Variants in MPPED1 observed in about 807,000 individuals in gnomAD.
The protein encoded by MPPED1 is metallophosphoesterase domain-containing protein 1.
MPPED1 carries 16 observed loss-of-function variants against 36.2 expected under a neutral mutation model. That is an observed-to-expected ratio of 0.44 (90% confidence interval 0.30 to 0.67). MPPED1 has a LOEUF of 0.67. Ranked by LOEUF, MPPED1 falls within the 30% of genes least tolerant of loss-of-function variation. The probability of loss-of-function intolerance (pLI) is 0.10; values close to 1 mark genes in which losing one functional copy is unlikely to be tolerated. For synonymous variants in MPPED1, 199 were observed against 191.3 expected, an observed-to-expected ratio of 1.04 and a Z score of -0.33; for missense variants, 307 against 453.4, an observed-to-expected ratio of 0.68 and a Z score of 2.93.
chr22:43,469,209 G>A (rs912514565), intron 3 of MPPED1, among the ~76,000 whole-genome samples: 2 of 152,134 alleles, frequency 1.3e-5, no homozygotes, highest in Non-Finnish European at 1.5e-5. Flanking sequence ...TGTGTCAGCC[G>A]TCTTACCTGC....
chr22:43,471,384 A>AG (rs1351010170), intron 3 of MPPED1, among the ~76,000 whole-genome samples: 1 of 152,012 alleles, frequency 6.6e-6, no homozygotes, highest in Admixed American at 6.6e-5. Context: ...GGGCTCGATG[A>AG]GGGGTCTGCT....
chr22:43,468,313 G>A (rs943035842), intron 3 of MPPED1, among the ~76,000 whole-genome samples: 1 of 152,196 alleles, frequency 6.6e-6, no homozygotes, highest in Non-Finnish European at 1.5e-5. Flanking sequence ...ACTAGTTTTG[G>A]CATCAAGGAC....
intron 1 of MPPED1, among the ~76,000 whole-genome samples, chr22:43,424,106 C>A (rs554872516): frequency 6.6e-6 from 1 of 152,288 alleles, no homozygotes; most frequent in African/African-American, 2.4e-5. Flanking sequence ...AACTGCACTT[C>A]CCCGTGAAAA....
At chr22:43,495,992 G>A (rs368269769) in intron 4 of MPPED1, among the ~76,000 whole-genome samples, 433 of 106,882 alleles carry the variant, frequency 4.1e-3, no homozygotes, top group South Asian at 0.012. Flanking sequence ...GGAGATGGTG[G>A]TGGTGGTGGA....
intron 3 of MPPED1, among the ~76,000 whole-genome samples, chr22:43,451,420 G>A (rs901973841): frequency 9.9e-5 from 15 of 152,164 alleles, no homozygotes; most frequent in African/African-American, 1.9e-4. Context: ...AAAGAAAAGC[G>A]GATTTTAAAA....
Position 43,502,500 on chromosome 22 carries a change from A to G in MPPED1, c.749-144A>G. ...AGCCTGAGGCAGGGCAGGGTTCCGG[A>G]GAGCTTGCTAGGGGAGAGTGGTGCA... On this transcript the variant is annotated intron_variant, in intron 5 of 6. Transcript: ENST00000443721. The surrounding 1 kb of genome is among the most constrained non-coding windows in gnomAD (Gnocchi z 5.5). The G allele has an allele frequency of 1.6e-6, 1 of 636,134 alleles. No homozygotes were observed. The highest frequency in any genetic ancestry group is 1.9e-5 in the South Asian group (1 of 53,184). The allele number at this position is 636,134 out of a possible 1,614,324, so 39.4% of individuals were successfully genotyped here.
intron 3 of MPPED1, among the ~76,000 whole-genome samples, chr22:43,449,423 C>T (rs944125811): frequency 1.5e-5 from 1 of 67,444 alleles, no homozygotes; most frequent in Admixed American, 1.8e-4. Context: ...ACAGTGCCAA[C>T]CCCCCCCGCC....
chr22:43,426,467 GC>G (rs1929476296), intron 2 of MPPED1, among the ~76,000 whole-genome samples: 2 of 152,136 alleles, frequency 1.3e-5, no homozygotes, highest in African/African-American at 4.8e-5. Context: ...TGAGTCTGGT[GC>G]CCCAAAAAGG....
At chr22:43,432,424 GAGAA>G (rs1358159729) in intron 2 of MPPED1, among the ~76,000 whole-genome samples, 5 of 137,824 alleles carry the variant, frequency 3.6e-5, no homozygotes, top group East Asian at 4.5e-4. Flanking sequence ...AGGGAGGAGA[GAGAA>G]AGGGAGGAGA....
At chr22:43,500,292 G>T (rs1182105966) in intron 5 of MPPED1, among the ~76,000 whole-genome samples, 1 of 138,980 alleles carries the variant, frequency 7.2e-6, no homozygotes, top group African/African-American at 2.7e-5. Flanking sequence ...GGTGATGGGG[G>T]TGGTGGTGGT....
chr22:43,467,225 T>C (rs1245526926), intron 3 of MPPED1, among the ~76,000 whole-genome samples: 1 of 152,232 alleles, frequency 6.6e-6, no homozygotes, highest in Non-Finnish European at 1.5e-5. Context: ...CTTTCATCTC[T>C]GTCATGGGGA....
chr22:43,489,690 T>C (rs1932024724), intron 4 of MPPED1, among the ~76,000 whole-genome samples: 1 of 152,164 alleles, frequency 6.6e-6, no homozygotes, highest in Admixed American at 6.5e-5. Flanking sequence ...AGCTAATTTT[T>C]GTATTTTTAG....
At chr22:43,450,530 C>G (rs1930527094) in intron 3 of MPPED1, among the ~76,000 whole-genome samples, 1 of 152,152 alleles carries the variant, frequency 6.6e-6, no homozygotes. Flanking sequence ...CTCTCTGAGC[C>G]TCAGTTTTCT....
At chr22:43,489,837 A>G (rs1268184862) in intron 4 of MPPED1, among the ~76,000 whole-genome samples, 1 of 152,062 alleles carries the variant, frequency 6.6e-6, no homozygotes, top group African/African-American at 2.4e-5. Context: ...CCAACATTCT[A>G]ATAAAAGCTG....
In MPPED1 at chr22:43,498,235, G is replaced by T; in HGVS notation, c.633G>T (p.Trp211Cys). 1.3e-6 allele frequency: 2 copies of T among 1,534,030 alleles called. No individual in the cohort carries two copies. The highest frequency in any genetic ancestry group is 1.7e-6 in the Non-Finnish European group (2 of 1,145,528). The change falls in exon 5 of 7, where the codon TGG becomes TGT. Residue 211 changes from tryptophan to cysteine, a missense_variant and splice_region_variant. Transcript: ENST00000443721. ...VRGFRIYGSP[W>C]QPWFYGWGFN... The stretch of plus-strand genomic sequence containing the variant: ...TCAAACACCTGCACTTCTTCTACAG[G>T]CAGCCCTGGTTCTACGGCTGGGGCT...
chr22:43,467,092 T>C (rs899936526), intron 3 of MPPED1, among the ~76,000 whole-genome samples: 1 of 152,174 alleles, frequency 6.6e-6, no homozygotes, highest in Non-Finnish European at 1.5e-5. Context: ...TGGGGAAGCA[T>C]GCGTGTTTTA....
chr22:43,491,843 GGTGC>G (rs1932112461), intron 4 of MPPED1, among the ~76,000 whole-genome samples: 1 of 150,666 alleles, frequency 6.6e-6, no homozygotes, highest in African/African-American at 2.4e-5. Flanking sequence ...TAATGATTGA[GGTGC>G]TGGTGATGGA....
chr22:43,446,060 G>T lies in MPPED1; in HGVS notation c.406+10845G>T, dbSNP rs60855321. ...TGATTTTTCTATTTTTTGTAGAGAC[G>T]GGGTTTCACCATGTTGCCCAGGCTG... On this transcript the variant is annotated intron_variant, in intron 3 of 6. Coordinates refer to ENST00000443721, the MANE Select transcript of MPPED1 (RefSeq NM_001044370.2). Among the ~76,000 whole-genome samples the T allele has an allele frequency of 6.0e-5, 9 of 149,378 alleles. No individual in the cohort carries two copies. In the East Asian group the frequency reaches 1.8e-3, roughly 30 times the overall value.
At chr22:43,447,883 A>ATATATATATATATATATTT (rs1321289636) in intron 3 of MPPED1, among the ~76,000 whole-genome samples, 63 of 67,666 alleles carry the variant, frequency 9.3e-4, no homozygotes, top group African/African-American at 3.3e-3. Flanking sequence ...ATATATATAT[A>ATATATATATATATATATTT]TTTTTTTTTT....
Sources: gnomAD v4.1 joint callset for allele counts (sites outside exome capture counted in the v4.1 genomes callset) on GRCh38, gnomAD v4.1.1 for gene constraint, Gnocchi (gnomAD v3.1) non-coding constraint, MANE v1.5 for transcripts, NCBI Gene and HGNC (gene_info 2026-07-23, HGNC 2026-07-21) for gene names.